The following CAMTA1 variants were observed in gnomAD, a reference collection of about 807,000 sequenced individuals.
CAMTA1 encodes calmodulin binding transcription activator 1, also known as calmodulin-binding transcription activator 1.
Under a neutral mutation model 170.9 loss-of-function variants are expected in CAMTA1, and 27 were observed. The observed-to-expected ratio is 0.16, with a 90% confidence interval of 0.12 to 0.22. CAMTA1 has a LOEUF of 0.22. CAMTA1 is among the 10% of genes least tolerant of loss of function. CAMTA1 has a pLI of 1.00. For synonymous variants in CAMTA1, 833 were observed against 891.5 expected (o/e 0.93, Z 1.17); for missense variants, 1,619 against 2,217.2 (o/e 0.73, Z 5.42).
intron 3 of CAMTA1, among the ~76,000 whole-genome samples, chr1:6,962,986 C>T (rs947236275): frequency 2.0e-5 from 3 of 151,526 alleles, no homozygotes; most frequent in Non-Finnish European, 4.4e-5. Flanking sequence ...CCGTCTGGCC[C>T]TGCCCATTCC....
At chr1:6,810,485 C>T (rs1244596140) in intron 1 of CAMTA1, among the ~76,000 whole-genome samples, 1 of 152,170 alleles carries the variant, frequency 6.6e-6, no homozygotes, top group Non-Finnish European at 1.5e-5. Flanking sequence ...AGGTCCAGCC[C>T]ACACTCCGGG....
At chr1:7,175,075 C>T (rs943928915) in intron 4 of CAMTA1, among the ~76,000 whole-genome samples, 15 of 151,932 alleles carry the variant, frequency 9.9e-5, no homozygotes, top group Non-Finnish European at 1.9e-4. Context: ...TGTGTATGTG[C>T]GTGTCTGCAG....
intron 5 of CAMTA1, among the ~76,000 whole-genome samples, chr1:7,356,280 G>C (rs1574892885): frequency 6.6e-6 from 1 of 152,228 alleles, no homozygotes; most frequent in African/African-American, 2.4e-5. Flanking sequence ...TGGGGCCTCT[G>C]TGGAGGCCTT....
chr1:6,875,264 G>A (rs374731603), intron 3 of CAMTA1, among the ~76,000 whole-genome samples: 4 of 152,108 alleles, frequency 2.6e-5, no homozygotes, highest in African/African-American at 7.2e-5. Flanking sequence ...TCAGCTGTAC[G>A]CATTATCATC....
Position 7,563,074 on chromosome 1 carries a change from G to A in CAMTA1, c.511-77326G>A, listed in dbSNP as rs564738119. The stretch of plus-strand genomic sequence containing the variant: ...GCTGGGACTTTTGTGGCCTTTGGAC[G>A]CCCACCAGCCCCTCCCCAGCCCCAA... On this transcript the variant is annotated intron_variant, in intron 6 of 22. Coordinates refer to ENST00000303635, the MANE Select transcript of CAMTA1 (RefSeq NM_015215.4). 7.2e-5 allele frequency among the ~76,000 whole-genome samples: 11 copies of A among 152,200 alleles called. No homozygotes were observed. In the South Asian group the frequency reaches 1.0e-3, roughly 14 times the overall value.
chr1:7,370,263 AC>A (rs1217409577), intron 5 of CAMTA1: 2 of 152,288 alleles, frequency 1.3e-5, no homozygotes, highest in Admixed American at 6.5e-5. Context: ...ATTGACTTAA[AC>A]ATGGAACAAT....
intron 3 of CAMTA1, among the ~76,000 whole-genome samples, chr1:6,847,130 A>G (rs1039901769): frequency 6.6e-6 from 1 of 151,328 alleles, no homozygotes; most frequent in Non-Finnish European, 1.5e-5. Context: ...CAGCCTACCG[A>G]GTAGCTGGGA....
At chr1:7,560,481 G>A (rs1048712269) in intron 6 of CAMTA1, among the ~76,000 whole-genome samples, 3 of 152,170 alleles carry the variant, frequency 2.0e-5, no homozygotes, top group Non-Finnish European at 4.4e-5. Context: ...TCTGTGAAAT[G>A]AGCCATGTAG....
intron 7 of CAMTA1, among the ~76,000 whole-genome samples, chr1:7,649,822 G>A (rs528427018): frequency 9.2e-5 from 14 of 152,284 alleles, no homozygotes; most frequent in South Asian, 8.3e-4. Flanking sequence ...GGACCCCACC[G>A]ACGTCCTGGG....
At chr1:7,222,734 T>C (rs1037208184) in intron 4 of CAMTA1, among the ~76,000 whole-genome samples, 1 of 152,258 alleles carries the variant, frequency 6.6e-6, no homozygotes, top group African/African-American at 2.4e-5. Context: ...CTGATGGCAA[T>C]GGTCCCTGGG....
At chr1:6,845,065 C>G (rs1383079243) in intron 3 of CAMTA1, among the ~76,000 whole-genome samples, 1 of 152,188 alleles carries the variant, frequency 6.6e-6, no homozygotes, top group African/African-American at 2.4e-5. Flanking sequence ...AGCACCTCTC[C>G]TGAAGCACCT....
At chr1:7,110,659 A>G (rs17349921) in intron 4 of CAMTA1, among the ~76,000 whole-genome samples, 16,558 of 152,196 alleles carry the variant, frequency 0.11, 1,058 homozygotes, top group South Asian at 0.26. Flanking sequence ...TGTTCTTAGA[A>G]GCTGGGTCGG....
chr1:7,704,876 C>T (rs1375583270), intron 11 of CAMTA1, among the ~76,000 whole-genome samples: 1 of 146,450 alleles, frequency 6.8e-6, no homozygotes, highest in African/African-American at 2.5e-5. Context: ...CGAGCAGGAG[C>T]CGAGCTCAGC....
chr1:7,017,818 G>A (rs1206445794), intron 3 of CAMTA1, among the ~76,000 whole-genome samples: 1 of 152,198 alleles, frequency 6.6e-6, no homozygotes, highest in Non-Finnish European at 1.5e-5. Flanking sequence ...CACGGTTCAC[G>A]TTGCCCCCAG....
At chr1:7,052,197 C>T (rs1176120743) in intron 3 of CAMTA1, among the ~76,000 whole-genome samples, 1 of 152,288 alleles carries the variant, frequency 6.6e-6, no homozygotes, top group South Asian at 2.1e-4. Context: ...CACCCTTGGG[C>T]CCTGGGGCCA....
intron 4 of CAMTA1, among the ~76,000 whole-genome samples, chr1:7,229,405 T>G (rs1574046629): frequency 2.2e-5 from 2 of 91,654 alleles, no homozygotes; most frequent in East Asian, 3.3e-4. Flanking sequence ...CCAAGTGCAG[T>G]GGTGAGAGCA....
intron 5 of CAMTA1, among the ~76,000 whole-genome samples, chr1:7,252,110 C>T (rs993060882): frequency 2.6e-5 from 4 of 152,248 alleles, no homozygotes; most frequent in African/African-American, 9.6e-5. Context: ...TGTTCTTATA[C>T]ACGTCTTTTT....
At chr1:7,282,636 A>C (rs931343622) in intron 5 of CAMTA1, among the ~76,000 whole-genome samples, 1 of 152,162 alleles carries the variant, frequency 6.6e-6, no homozygotes, top group Non-Finnish European at 1.5e-5. Flanking sequence ...AAGCTCTAGA[A>C]GGACTCCACG....
chr1:7,079,220 C>G (rs1473771820), intron 3 of CAMTA1, among the ~76,000 whole-genome samples: 1 of 152,124 alleles, frequency 6.6e-6, no homozygotes, highest in Non-Finnish European at 1.5e-5. Context: ...TGTAGACCCA[C>G]CTTTACAGAG....
Sources: allele counts gnomAD v4.1 joint callset (sites outside exome capture counted in the v4.1 genomes callset), GRCh38; gene constraint gnomAD v4.1.1; transcripts MANE v1.5; gene names NCBI Gene and HGNC (gene_info 2026-07-23, HGNC 2026-07-21).